ERI1: variants seen among roughly 807,000 people sequenced by gnomAD.
The protein encoded by ERI1 is exoribonuclease 1.
In ERI1, 39 loss-of-function variants were observed where a neutral mutation model predicts 39.7. The observed-to-expected ratio is 0.98, with a 90% CI of 0.76 to 1.28. ERI1 has a LOEUF of 1.28. Ranked by LOEUF, ERI1 falls within the 50% of genes most tolerant of loss-of-function variation. The pLI is 0.00. For synonymous variants in ERI1, 204 were observed against 149.6 expected (o/e 1.36, Z -2.65); for missense variants, 581 against 416.9 (o/e 1.39, Z -3.43).
intron 6 of ERI1, among the ~76,000 whole-genome samples, chr8:9,028,252 G>T (rs1797325827): frequency 6.6e-6 from 1 of 152,152 alleles, no homozygotes; most frequent in Admixed American, 6.5e-5. Flanking sequence ...TCCTTCCTAG[G>T]TATAGGTCTA....
downstream of ERI1, among the ~76,000 whole-genome samples, chr8:9,035,079 C>G (rs1173237615): frequency 6.6e-6 from 1 of 152,158 alleles, no homozygotes; most frequent in Non-Finnish European, 1.5e-5. Context: ...AAATTTGAAG[C>G]CAGCAGAGAT....
intron 2 of ERI1, among the ~76,000 whole-genome samples, chr8:9,009,798 C>A (rs1258693021): frequency 6.6e-6 from 1 of 152,174 alleles, no homozygotes; most frequent in African/African-American, 2.4e-5. Flanking sequence ...TCCCAAAGTG[C>A]TGAGATTATA....
intron 3 of ERI1, among the ~76,000 whole-genome samples, chr8:9,069,243 G>A (rs1451895079): frequency 6.6e-6 from 1 of 152,172 alleles, no homozygotes. Flanking sequence ...ATGTCTAGGA[G>A]GATCTTTTCA....
chr8:9,009,471 G>T (rs1345958742), intron 2 of ERI1, among the ~76,000 whole-genome samples: 1 of 152,220 alleles, frequency 6.6e-6, no homozygotes, highest in African/African-American at 2.4e-5. Context: ...TCTGCAACAT[G>T]ATCTTGCCTT....
In ERI1 at chr8:9,070,221, A is replaced by G. The variant is rs187354444; in HGVS notation, n.300-46127A>G. Among the ~76,000 whole-genome samples, 257 of 152,060 alleles carry G rather than the reference A, an allele frequency of 1.7e-3. 1 individual carries two copies. Among genetic ancestry groups the G allele is most frequent in the African/African-American group, 5.6e-3 (231 of 41,520 alleles). ...ACCACTGCACTCCAACCTGGGTGAGAGTGAGACGCTGTCTCAAAAAAAAAA... is the reference window on the plus strand; with the variant it reads ...ACCACTGCACTCCAACCTGGGTGAGGGTGAGACGCTGTCTCAAAAAAAAAA... On this transcript the variant is annotated intron_variant and non_coding_transcript_variant, in intron 3 of 3. Transcript: ENST00000518663.
At chr8:9,003,550 A>G (rs573336979) in intron 1 of ERI1, among the ~76,000 whole-genome samples, 1 of 152,288 alleles carries the variant, frequency 6.6e-6, no homozygotes, top group East Asian at 1.9e-4. Flanking sequence ...TAGGTATGTC[A>G]CTTCATGCCT....
At chr8:9,036,916 G>A (rs141123113), downstream of ERI1, among the ~76,000 whole-genome samples, 12 of 152,210 alleles carry the variant, frequency 7.9e-5, no homozygotes, top group African/African-American at 2.6e-4. Context: ...GATTATCACA[G>A]TCACATAGGA....
At chr8:9,020,979 A>T (rs1251177631) in intron 6 of ERI1, among the ~76,000 whole-genome samples, 1 of 151,950 alleles carries the variant, frequency 6.6e-6, no homozygotes, top group Non-Finnish European at 1.5e-5. Flanking sequence ...TGCTTATACT[A>T]CTTCTTGACT....
chr8:9,053,730 A>G (rs1250026015), intron 3 of ERI1, among the ~76,000 whole-genome samples: 4 of 152,208 alleles, frequency 2.6e-5, no homozygotes, highest in African/African-American at 9.6e-5. Flanking sequence ...ATATGACAGT[A>G]ACTCCTGATA....
rs1036650855 is a variant in ERI1, at chr8:9,002,941, C to T, written c.-123C>T. On this transcript the variant is annotated 5_prime_UTR_variant, in exon 1 of 7. Coordinates refer to ENST00000250263, the MANE Select transcript of ERI1 (RefSeq NM_153332.4). ...AGGTGGCCGCTGGAGTTTGTGTGGC[C>T]GCCGCCGCGGGAACGCGAGCCCGGT... is the stretch of plus-strand genomic sequence containing the variant. 2.4e-5 allele frequency: 17 copies of T among 699,024 alleles called. No homozygotes were observed. The highest frequency in any genetic ancestry group is 1.3e-4 in the African/African-American group (7 of 54,372). 43.3% of individuals were successfully genotyped at this position (699,024 alleles called of 1,614,324 possible).
chr8:9,031,989 C>T lies in ERI1; in HGVS notation c.*1955C>T, dbSNP rs1797623072. On this transcript the variant is annotated 3_prime_UTR_variant, in exon 7 of 7. Coordinates refer to ENST00000250263, the MANE Select transcript of ERI1 (RefSeq NM_153332.4). ...GTCAGGCTGGTCTTGAACTCCTGAC[C>T]TCAAGTGATTTGCCCACCTTGACCT... is the stretch of plus-strand genomic sequence containing the variant. The T allele has an allele frequency of 1.3e-5, 2 of 152,216 alleles. No homozygotes were observed. The highest frequency in any genetic ancestry group is 2.9e-5 in the Non-Finnish European group (2 of 68,080). The allele number at this position is 152,216 out of a possible 1,614,324, so 9.4% of individuals were successfully genotyped here. A position where few individuals can be genotyped will look rare whatever the true frequency, so the allele number is the denominator to read the frequency against.
At chr8:9,003,714 G>A (rs967479530) in intron 1 of ERI1, among the ~76,000 whole-genome samples, 2 of 152,164 alleles carry the variant, frequency 1.3e-5, no homozygotes, top group African/African-American at 4.8e-5. Flanking sequence ...ACATCTCATC[G>A]GTTGAACTTA....
At position 9,060,293 on chromosome 8, in the gene ERI1, C is replaced by G. The variant is rs548418643; in HGVS notation, n.299+39829C>G. Among the ~76,000 whole-genome samples the G allele has an allele frequency of 3.7e-4, 56 of 152,142 alleles. 1 individual carries two copies. The South Asian group carries it at 5.2e-3, about 14-fold the overall frequency. ...AATGACCGCGGTGGCCTTCTCAGACCCTGTGAGAAAGACCTCTACCCATCC... is the reference window on the plus strand; with the variant it reads ...AATGACCGCGGTGGCCTTCTCAGACGCTGTGAGAAAGACCTCTACCCATCC... On this transcript the variant is annotated intron_variant and non_coding_transcript_variant, in intron 3 of 3. Transcript: ENST00000518663.
chr8:9,073,440 T>G (rs1306664706), intron 3 of ERI1, among the ~76,000 whole-genome samples: 1 of 152,190 alleles, frequency 6.6e-6, no homozygotes, highest in Non-Finnish European at 1.5e-5. Flanking sequence ...AGGTTACCGA[T>G]GGACAGGTTA....
chr8:9,047,195 C>T (rs1470017387), intron 3 of ERI1, among the ~76,000 whole-genome samples: 14 of 152,188 alleles, frequency 9.2e-5, no homozygotes, highest in Admixed American at 9.2e-4. Context: ...AGCCTCTAGC[C>T]ACCATCCCAC....
intron 3 of ERI1, among the ~76,000 whole-genome samples, chr8:9,042,635 C>T (rs537450807): frequency 1.3e-5 from 2 of 152,170 alleles, no homozygotes; most frequent in East Asian, 3.9e-4. Context: ...GTCCTTGTGT[C>T]CAGAATGAAA....
intron 3 of ERI1, among the ~76,000 whole-genome samples, chr8:9,090,026 T>G (rs777008225): frequency 5.9e-5 from 9 of 152,178 alleles, no homozygotes; most frequent in Non-Finnish European, 1.2e-4. Flanking sequence ...CATTTGCATT[T>G]TTTTGGATTG....
chr8:9,076,183 G>T (rs1325756416), intron 3 of ERI1, among the ~76,000 whole-genome samples: 2 of 152,060 alleles, frequency 1.3e-5, no homozygotes, highest in Admixed American at 6.6e-5. Flanking sequence ...GGCTCAAGTG[G>T]TCCTCCTACC....
At chr8:9,004,871 A>G (rs913021350) in intron 1 of ERI1, among the ~76,000 whole-genome samples, 6 of 151,828 alleles carry the variant, frequency 4.0e-5, no homozygotes, top group Admixed American at 2.0e-4. Flanking sequence ...TATTTTTAGT[A>G]GAGATGGGGT....
Sources: gnomAD v4.1 joint callset for allele counts (sites outside exome capture counted in the v4.1 genomes callset) on GRCh38, gnomAD v4.1.1 for gene constraint, MANE v1.5 for transcripts, NCBI Gene and HGNC (gene_info 2026-07-23, HGNC 2026-07-21) for gene names.